The following SLIT2 variants were observed in gnomAD, a reference collection of about 807,000 sequenced individuals.
SLIT2 encodes the protein slit homolog 2 protein.
SLIT2 carries 41 observed loss-of-function variants against 185.7 expected under a neutral mutation model. That is an observed-to-expected ratio of 0.22 (90% CI 0.17 to 0.29). The LOEUF (loss-of-function observed/expected upper bound fraction) is 0.29. SLIT2 is among the 10% of genes least tolerant of loss of function. The pLI, the probability that SLIT2 is intolerant of heterozygous loss-of-function variation, is 1.00. For synonymous variants in SLIT2, 693 were observed against 680.2 expected (o/e 1.02, Z -0.29); for missense variants, 1,571 against 1,909.0 (o/e 0.82, Z 3.30).
At chr4:20,510,633 G>GTGGT (rs2148825090) in intron 10 of SLIT2, 67 bp downstream of exon 10, 2 of 984,022 alleles carry the variant, frequency 2.0e-6, no homozygotes, top group East Asian at 4.8e-5. Flanking sequence ...ACCATGCAAA[G>GTGGT]AAACTTAAGT....
chr4:20,499,670 A>G (rs1471232084), intron 9 of SLIT2, among the ~76,000 whole-genome samples: 2 of 152,000 alleles, frequency 1.3e-5, no homozygotes. Context: ...TTGTATTTTT[A>G]GTAGAGATGG....
intron 9 of SLIT2, among the ~76,000 whole-genome samples, chr4:20,506,338 C>A (rs1719202325): frequency 1.3e-5 from 2 of 151,980 alleles, no homozygotes; most frequent in African/African-American, 4.8e-5. Flanking sequence ...CCATGGCATG[C>A]AAATATATCT....
At chr4:20,281,686 G>T (rs1021114020) in intron 4 of SLIT2, among the ~76,000 whole-genome samples, 22 of 152,108 alleles carry the variant, frequency 1.4e-4, no homozygotes, top group African/African-American at 4.8e-4. Flanking sequence ...ACACAGGAAC[G>T]TGAGGGAATG....
chr4:20,502,705 T>A (rs966138981), intron 9 of SLIT2, among the ~76,000 whole-genome samples: 24 of 151,994 alleles, frequency 1.6e-4, no homozygotes, highest in Non-Finnish European at 3.1e-4. Flanking sequence ...AAAATTAAAA[T>A]TTGCAGTTGT....
At chr4:20,452,963 A>G (rs922799621) in intron 4 of SLIT2, among the ~76,000 whole-genome samples, 6 of 152,160 alleles carry the variant, frequency 3.9e-5, no homozygotes, top group South Asian at 2.1e-4. Context: ...TTCAGCTTTT[A>G]TATCTGTGCC....
rs1424458164 is a variant in SLIT2 at position 20,617,214 on chromosome 4, T to C, written c.4136+16T>C. On this transcript the variant is annotated intron_variant, in intron 35 of 36. Transcript: ENST00000504154. ...TTGGAAATAAGTAAGTTCCTGCTGC[T>C]TGGGAGTTGAGCACACACCTGAAAG... The C allele has an allele frequency of 6.4e-7, 1 of 1,554,856 alleles. No homozygotes were observed. Among genetic ancestry groups the C allele is most frequent in the Non-Finnish European group, 8.7e-7 (1 of 1,146,256 alleles).
chr4:20,258,832 C>T (rs1712138316), intron 3 of SLIT2, among the ~76,000 whole-genome samples: 1 of 151,468 alleles, frequency 6.6e-6, no homozygotes, highest in Admixed American at 6.6e-5. Flanking sequence ...TCATGCCTGC[C>T]TTAATAGTCA....
At chr4:20,498,141 C>T (rs1319625646) in intron 9 of SLIT2, among the ~76,000 whole-genome samples, 1 of 152,052 alleles carries the variant, frequency 6.6e-6, no homozygotes, top group African/African-American at 2.4e-5. Flanking sequence ...CCACTGGACT[C>T]CAGCCTGGGC....
In SLIT2 at chr4:20,254,753, A is replaced by C. The variant is rs182829996; in HGVS notation, c.179+759A>C. 3.9e-4 allele frequency among the ~76,000 whole-genome samples: 59 copies of C among 152,232 alleles called. No homozygotes were observed. Among genetic ancestry groups the C allele is most frequent in the African/African-American group, 1.4e-3 (57 of 41,552 alleles). On this transcript the variant is annotated intron_variant, in intron 1 of 36. Transcript: ENST00000504154. The surrounding 1 kb of genome is among the most constrained non-coding windows in gnomAD (Gnocchi z 5.1). Reference sequence around the variant, plus strand: ...CAAACCAGCCCAACCAGGTCTTACCACTGCGGCGACCCGGCGGTGCCCGGC... The same window carrying C: ...CAAACCAGCCCAACCAGGTCTTACCCCTGCGGCGACCCGGCGGTGCCCGGC...
intron 34 of SLIT2, among the ~76,000 whole-genome samples, chr4:20,610,662 T>C (rs1288216754): frequency 2.6e-5 from 4 of 152,224 alleles, no homozygotes; most frequent in Non-Finnish European, 5.9e-5. Context: ...CTAATTCATC[T>C]GGATGATAGG....
chr4:20,261,040 G>A (rs372599232), intron 3 of SLIT2, among the ~76,000 whole-genome samples: 4 of 151,684 alleles, frequency 2.6e-5, no homozygotes, highest in Admixed American at 1.3e-4. Context: ...TTGTAATCAC[G>A]TCTGCATACC....
At position 20,523,684 on chromosome 4, in the gene SLIT2, C is replaced by T. The variant is rs142859510; in HGVS notation, c.1131-76C>T. On this transcript the variant is annotated intron_variant, in intron 12 of 36. Transcript: ENST00000504154. ...AGAAATATATTTCTTGACTGGGTTT[C>T]CTTAAAAAGCACAAAATCTTGCAGG... 286 of 1,258,850 alleles carry T rather than the reference C, an allele frequency of 2.3e-4. 1 individual carries two copies. The African/African-American group carries it at 3.9e-3, about 17-fold the overall frequency. The allele number at this position is 1,258,850 out of a possible 1,614,324, so 78.0% of individuals were successfully genotyped here. A position where few individuals can be genotyped will look rare whatever the true frequency, so the allele number is the denominator to read the frequency against.
chr4:20,470,484 C>CTGTGTG (rs540814034), intron 5 of SLIT2, among the ~76,000 whole-genome samples: 8,179 of 129,146 alleles, frequency 0.063, 333 homozygotes, highest in Middle Eastern at 0.083. Flanking sequence ...GCAGTGGAGT[C>CTGTGTG]TGTGTGTGTG....
intron 4 of SLIT2, among the ~76,000 whole-genome samples, chr4:20,362,718 A>T (rs1722836505): frequency 6.6e-6 from 1 of 151,942 alleles, no homozygotes; most frequent in Non-Finnish European, 1.5e-5. Flanking sequence ...ACTATATTAA[A>T]ACAAACGCAC....
At chr4:20,384,700 A>G (rs1257398773) in intron 4 of SLIT2, among the ~76,000 whole-genome samples, 1 of 152,172 alleles carries the variant, frequency 6.6e-6, no homozygotes, top group Non-Finnish European at 1.5e-5. Context: ...CCTGGAATAT[A>G]GCCACATAAG....
intron 3 of SLIT2, 55 bp from the exon 4 acceptor site, chr4:20,268,755 C>T: frequency 9.4e-7 from 1 of 1,067,772 alleles, no homozygotes; most frequent in Non-Finnish European, 1.5e-6. Flanking sequence ...AAATCACAGT[C>T]TCATTGTTGG....
intron 4 of SLIT2, among the ~76,000 whole-genome samples, chr4:20,320,932 G>C (rs1261170711): frequency 1.3e-5 from 2 of 152,132 alleles, no homozygotes; most frequent in African/African-American, 4.8e-5. Flanking sequence ...GGGAGGTTGA[G>C]GCAAGCAGAT....
chr4:20,429,671 A>G (rs1728822201), intron 4 of SLIT2, among the ~76,000 whole-genome samples: 1 of 152,200 alleles, frequency 6.6e-6, no homozygotes, highest in Non-Finnish European at 1.5e-5. Context: ...CTCTTTGAGA[A>G]TTGAGTATTT....
intron 4 of SLIT2, among the ~76,000 whole-genome samples, chr4:20,349,559 G>T (rs1453307065): frequency 6.6e-6 from 1 of 152,152 alleles, no homozygotes; most frequent in Non-Finnish European, 1.5e-5. Flanking sequence ...AAACTGCAAA[G>T]TACTTGAAGC....
Sources: allele counts gnomAD v4.1 joint callset (sites outside exome capture counted in the v4.1 genomes callset), GRCh38; gene constraint gnomAD v4.1.1; non-coding constraint Gnocchi (gnomAD v3.1); transcripts MANE v1.5; gene names NCBI Gene and HGNC (gene_info 2026-07-23, HGNC 2026-07-21).